ZNF425: variants seen among roughly 807,000 people sequenced by gnomAD.
ZNF425 encodes zinc finger protein 425.
A neutral mutation model predicts 17.0 loss-of-function variants in ZNF425; 21 were observed. The observed-to-expected ratio is 1.23, with a 90% CI of 0.88 to 1.78. ZNF425 has a LOEUF of 1.78. Ranked by LOEUF, ZNF425 falls within the 40% of genes most tolerant of loss-of-function variation. ZNF425 has a pLI of 0.00. For missense variants in ZNF425, 868 were observed against 967.3 expected, an observed-to-expected ratio of 0.90 and a Z score of 1.36; for synonymous variants, 433 against 384.1, an observed-to-expected ratio of 1.13 and a Z score of -1.49.
intron 2 of ZNF425, 181 bp from the exon 3 acceptor site, chr7:149,112,476 T>TA: frequency 1.9e-6 from 1 of 523,316 alleles, no homozygotes; most frequent in East Asian, 3.4e-5. Context: ...CTACTAAAAT[T>TA]ACAAAAATTA....
In ZNF425 at chr7:149,104,326, C is replaced by T. The variant is rs1397291731; in HGVS notation, c.1545G>A (p.Gln515=). The change falls in exon 4 of 4, where the codon CAG becomes CAA. Residue 515 remains glutamine, a synonymous_variant. Transcript: ENST00000378061. This position sits in a 1 kb window ranked among gnomAD's most constrained non-coding sequence, Gnocchi z 4.3. ...KTFSQQSRLT[Q]HLKVHTTEKP... ...TTTCCGTGGTGTGGACCTTCAGGTGCTGCGTGAGCCGCGACTGCTGAGAAA... is the reference window on the plus strand; with the variant it reads ...TTTCCGTGGTGTGGACCTTCAGGTGTTGCGTGAGCCGCGACTGCTGAGAAA... The T allele has an allele frequency of 1.2e-6, 2 of 1,613,182 alleles. No individual in the cohort carries two copies. Among genetic ancestry groups the T allele is most frequent in the Non-Finnish European group, 1.7e-6 (2 of 1,180,008 alleles).
Position 149,102,952 on chromosome 7 carries a change from G to A in ZNF425, c.*660C>T, listed in dbSNP as rs1826002307. 1 of 152,212 alleles carries A rather than the reference G, an allele frequency of 6.6e-6. No homozygotes were observed. Among genetic ancestry groups the A allele is most frequent in the Admixed American group, 6.5e-5 (1 of 15,278 alleles). 9.4% of individuals were successfully genotyped at this position (152,212 alleles called of 1,614,324 possible). On this transcript the variant is annotated 3_prime_UTR_variant, in exon 4 of 4. Coordinates refer to ENST00000378061, the MANE Select transcript of ZNF425 (RefSeq NM_001001661.3). ...TGGCCTGGTAATGGAAAAGCTGACT[G>A]AGGAATATGTTCCTGGCTGTAACAT...
intron 3 of ZNF425, among the ~76,000 whole-genome samples, chr7:149,105,886 C>T (rs1353516594): frequency 2.0e-5 from 3 of 151,212 alleles, no homozygotes; most frequent in Admixed American, 1.3e-4. Context: ...TCCACTGCCT[C>T]GGCCTCCCAA....
intron 1 of ZNF425, among the ~76,000 whole-genome samples, chr7:149,121,934 G>C (rs1826362372): frequency 6.9e-6 from 1 of 144,642 alleles, no homozygotes; most frequent in African/African-American, 2.6e-5. Context: ...GTTTTTTTTT[G>C]AGACGGAGTC....
intron 1 of ZNF425, among the ~76,000 whole-genome samples, chr7:149,125,177 A>G (rs1439487410): frequency 1.3e-5 from 2 of 152,200 alleles, no homozygotes; most frequent in African/African-American, 4.8e-5. Context: ...AGTGGGAAGC[A>G]AAAGGGAAGA....
chr7:149,105,196 GT>G lies in ZNF425; in HGVS notation c.674del (p.Asn225ThrfsTer33), dbSNP rs546862118. Reference sequence around the variant, plus strand: ...TGAGTTCGGACTTCCCTCTGGACGAGTTTTTGTACTTTGGGTATCTGCAGAG... The same window carrying G: ...TGAGTTCGGACTTCCCTCTGGACGAGTTTTGTACTTTGGGTATCTGCAGAG... ...SQLCRYPKYK[N>X]SSRGKSELRR... is the part of the protein sequence containing the mutation. On this transcript the variant is annotated frameshift_variant, in exon 4 of 4. Transcript: ENST00000378061. LOFTEE classifies it low-confidence loss of function (END_TRUNC). 1.9e-6 allele frequency: 3 copies of G among 1,614,252 alleles called. No individual in the cohort carries two copies. In the South Asian group the frequency reaches 3.3e-5, roughly 18 times the overall value.
chr7:149,107,947 C>T (rs1359307003), intron 3 of ZNF425, among the ~76,000 whole-genome samples: 1 of 151,768 alleles, frequency 6.6e-6, no homozygotes, highest in African/African-American at 2.4e-5. Flanking sequence ...TTCACTGCAG[C>T]CTTGACCTCC....
At position 149,118,953 on chromosome 7, in the gene ZNF425, AG is replaced by A. The variant is rs776120564; in HGVS notation, c.19-606del. On this transcript the variant is annotated intron_variant, in intron 1 of 3. Transcript: ENST00000378061. ...TGGGTCTAGTATTGCTGGATGTGTCAGTTTTTGAAAAATGTTTTACTTTGAA... is the reference window on the plus strand; with the variant it reads ...TGGGTCTAGTATTGCTGGATGTGTCATTTTTGAAAAATGTTTTACTTTGAA... Among the ~76,000 whole-genome samples, 202 of 152,298 alleles carry A rather than the reference AG, an allele frequency of 1.3e-3. 1 individual carries two copies. Among genetic ancestry groups the A allele is most frequent in the Non-Finnish European group, 1.7e-3 (116 of 68,026 alleles).
chr7:149,121,248 T>C (rs1288249444), intron 1 of ZNF425, among the ~76,000 whole-genome samples: 1 of 27,872 alleles, frequency 3.6e-5, no homozygotes, highest in African/African-American at 1.1e-4. Flanking sequence ...CGCCCGCCAC[T>C]ACGCCCGGCT....
chr7:149,123,201 T>TC (rs1406229453), intron 1 of ZNF425, among the ~76,000 whole-genome samples: 1 of 152,166 alleles, frequency 6.6e-6, no homozygotes, highest in Non-Finnish European at 1.5e-5. Flanking sequence ...TGAGGACAGA[T>TC]CCACTGTGTC....
intron 3 of ZNF425, among the ~76,000 whole-genome samples, chr7:149,106,843 T>C (rs1358842498): frequency 2.0e-5 from 3 of 152,010 alleles, no homozygotes; most frequent in African/African-American, 7.2e-5. Flanking sequence ...GCGCAGTGGC[T>C]CACACCTGTA....
intron 2 of ZNF425, among the ~76,000 whole-genome samples, chr7:149,117,456 C>T (rs1337031259): frequency 6.6e-6 from 1 of 152,094 alleles, no homozygotes; most frequent in Non-Finnish European, 1.5e-5. Flanking sequence ...ACACCATGCA[C>T]TATGTTGCAT....
intron 1 of ZNF425, among the ~76,000 whole-genome samples, chr7:149,122,687 T>TTTTTTG (rs368105102): frequency 7.4e-4 from 113 of 151,940 alleles, no homozygotes; most frequent in African/African-American, 2.4e-3. Flanking sequence ...GAGACGTGGG[T>TTTTTTG]TTTTTGTTTT....
intron 1 of ZNF425, among the ~76,000 whole-genome samples, chr7:149,120,608 A>G (rs893900156): frequency 5.3e-5 from 8 of 152,196 alleles, no homozygotes; most frequent in African/African-American, 1.9e-4. Context: ...TAGATACACA[A>G]ATACTTACTA....
intron 2 of ZNF425, among the ~76,000 whole-genome samples, chr7:149,117,303 G>A (rs535719850): frequency 1.3e-5 from 2 of 151,346 alleles, no homozygotes; most frequent in Non-Finnish European, 2.9e-5. Flanking sequence ...AGAATAAGCC[G>A]GATAAGCAGC....
rs958338729 is a variant in ZNF425 at position 149,112,360 on chromosome 7, G to A, written c.146-65C>T. The A allele has an allele frequency of 7.5e-6, 11 of 1,462,638 alleles. 1 individual carries two copies. The highest frequency in any genetic ancestry group is 6.2e-5 in the South Asian group (5 of 80,510). The allele number at this position is 1,462,638 out of a possible 1,614,324, so 90.6% of individuals were successfully genotyped here. On this transcript the variant is annotated intron_variant, in intron 2 of 3. Coordinates refer to ENST00000378061, the MANE Select transcript of ZNF425 (RefSeq NM_001001661.3). ...ACTTAAATAATTTTTTTGGCCGGGT[G>A]TGGTGGCTCACGCCTGTAATCCCAG...
Position 149,104,297 on chromosome 7 carries a change from G to A in ZNF425, c.1574C>T (p.Pro525Leu), listed in dbSNP as rs778780403. 1.2e-5 allele frequency: 19 copies of A among 1,613,658 alleles called. No homozygotes were observed. The highest frequency in any genetic ancestry group is 7.7e-5 in the South Asian group (7 of 91,084). ...GCGGCCGCACTCGGCGCAGGAGAAC[G>A]GCTTTTCCGTGGTGTGGACCTTCAG... is the stretch of plus-strand genomic sequence containing the variant. ...QHLKVHTTEK[P>L]FSCAECGRSF... Residue 525 changes from proline to leucine, a missense_variant, in exon 4 of 4, where the codon CCG (proline) becomes CTG (leucine). Coordinates refer to ENST00000378061, the MANE Select transcript of ZNF425 (RefSeq NM_001001661.3). This position sits in a 1 kb window ranked among gnomAD's most constrained non-coding sequence, Gnocchi z 4.3.
chr7:149,108,535 G>C (rs1286613662), intron 3 of ZNF425, among the ~76,000 whole-genome samples: 1 of 152,136 alleles, frequency 6.6e-6, no homozygotes, highest in East Asian at 1.9e-4. Flanking sequence ...GCACCACCTT[G>C]TACTAAGGGA....
At chr7:149,124,376 C>CG (rs1563149774) in intron 1 of ZNF425, among the ~76,000 whole-genome samples, 1 of 140,836 alleles carries the variant, frequency 7.1e-6, no homozygotes, top group Non-Finnish European at 1.6e-5. Context: ...AGGATGGTCT[C>CG]GATCTCCTGA....
Sources: gnomAD v4.1 joint callset for allele counts (sites outside exome capture counted in the v4.1 genomes callset) on GRCh38, gnomAD v4.1.1 for gene constraint, Gnocchi (gnomAD v3.1) non-coding constraint, MANE v1.5 for transcripts, NCBI Gene and HGNC (gene_info 2026-07-23, HGNC 2026-07-21) for gene names.